TIAM1: variants seen among roughly 807,000 people sequenced by gnomAD.
The protein encoded by TIAM1 is TIAM Rac1 associated GEF 1.
In TIAM1, 65 loss-of-function variants were observed where a neutral mutation model predicts 163.5. The observed-to-expected ratio is 0.40, with a 90% CI of 0.33 to 0.49. The LOEUF is 0.49. Ranked by LOEUF, TIAM1 falls within the 20% of genes least tolerant of loss-of-function variation. The pLI is 0.77. For missense variants in TIAM1, 1,789 were observed against 2,044.7 expected (o/e 0.87, Z 2.41); for synonymous variants, 833 against 810.1 (o/e 1.03, Z -0.48).
chr21:31,458,158 G>A (rs113475429), intron 2 of TIAM1, among the ~76,000 whole-genome samples: 29 of 152,280 alleles, frequency 1.9e-4, no homozygotes, highest in African/African-American at 6.7e-4. Flanking sequence ...GGGGGCTCAC[G>A]CCTGTAATCC....
chr21:31,423,750 G>T (rs938989725), intron 2 of TIAM1, among the ~76,000 whole-genome samples: 3 of 134,986 alleles, frequency 2.2e-5, no homozygotes, highest in Non-Finnish European at 4.6e-5. Flanking sequence ...ATTATGCTAC[G>T]TGAAAGAAGC....
intron 26 of TIAM1, 29 bp downstream of exon 26, chr21:31,127,036 C>G (rs779475970): frequency 4.4e-6 from 7 of 1,608,976 alleles, no homozygotes; most frequent in Middle Eastern, 1.6e-4. Flanking sequence ...AATGTCAACA[C>G]GGCCTCGACT....
intron 2 of TIAM1, among the ~76,000 whole-genome samples, chr21:31,455,738 C>T (rs532320866): frequency 1.3e-5 from 2 of 152,166 alleles, no homozygotes; most frequent in Non-Finnish European, 2.9e-5. Flanking sequence ...AAATGCAGAA[C>T]CAGATTCTAA....
chr21:31,298,874 T>G (rs2074397209), intron 2 of TIAM1, among the ~76,000 whole-genome samples: 1 of 151,572 alleles, frequency 6.6e-6, no homozygotes, highest in South Asian at 2.1e-4. Flanking sequence ...ATGGTATATA[T>G]CCTCCCCACC....
intron 1 of TIAM1, among the ~76,000 whole-genome samples, chr21:31,493,606 A>C (rs1382035204): frequency 6.6e-6 from 1 of 152,254 alleles, no homozygotes; most frequent in Non-Finnish European, 1.5e-5. Flanking sequence ...GGTTTAGAAG[A>C]AAAGCAGATG....
intron 16 of TIAM1, among the ~76,000 whole-genome samples, chr21:31,161,435 T>C (rs776347226): frequency 2.6e-5 from 4 of 152,172 alleles, no homozygotes; most frequent in Non-Finnish European, 5.9e-5. Context: ...AGACTGTCCC[T>C]GCAGTGTGAC....
chr21:31,248,483 T>A (rs1361037004), intron 5 of TIAM1, among the ~76,000 whole-genome samples: 2 of 152,222 alleles, frequency 1.3e-5, no homozygotes, highest in Non-Finnish European at 2.9e-5. Context: ...TTTACCTTCA[T>A]CTTCCCTGGA....
chr21:31,309,145 C>T (rs1329340161), intron 2 of TIAM1, among the ~76,000 whole-genome samples: 2 of 152,114 alleles, frequency 1.3e-5, no homozygotes, highest in Non-Finnish European at 2.9e-5. Flanking sequence ...CGACTAGTAA[C>T]AGATGAAAGG....
At chr21:31,211,115 T>C (rs2086869573) in intron 10 of TIAM1, among the ~76,000 whole-genome samples, 1 of 152,160 alleles carries the variant, frequency 6.6e-6, no homozygotes, top group African/African-American at 2.4e-5. Context: ...TGGCACAATG[T>C]AGCAAAAACA....
chr21:31,472,884 T>C (rs773364849), intron 1 of TIAM1, among the ~76,000 whole-genome samples: 1 of 152,202 alleles, frequency 6.6e-6, no homozygotes, highest in Non-Finnish European at 1.5e-5. Flanking sequence ...CATCAGAAAT[T>C]GTCCTCTGCA....
chr21:31,209,721 G>A (rs149384135), intron 11 of TIAM1, among the ~76,000 whole-genome samples: 36 of 152,310 alleles, frequency 2.4e-4, no homozygotes, highest in Non-Finnish European at 3.7e-4. Context: ...GTGAATAAGA[G>A]TGGCCTTAAT....
At chr21:31,218,395 C>T (rs2087337487) in intron 8 of TIAM1, among the ~76,000 whole-genome samples, 1 of 152,066 alleles carries the variant, frequency 6.6e-6, no homozygotes, top group Non-Finnish European at 1.5e-5. Context: ...TGGTGAAACC[C>T]TGTCTTAACT....
intron 2 of TIAM1, among the ~76,000 whole-genome samples, chr21:31,369,985 G>T (rs1390648179): frequency 1.3e-5 from 2 of 152,014 alleles, no homozygotes; most frequent in African/African-American, 4.8e-5. Context: ...GGAAATAATT[G>T]GTGTCCTTAT....
Position 31,213,415 on chromosome 21 carries a change from T to C in TIAM1, c.2200A>G (p.Ile734Val), listed in dbSNP as rs1367782745. The C allele has an allele frequency of 6.2e-7, 1 of 1,610,674 alleles. No homozygotes were observed. The highest frequency in any genetic ancestry group is 1.1e-5 in the South Asian group (1 of 90,112). ...KKSLEGIFDD[I>V]VPDGKREKEV... ...ATTTTTACCTTGCCATCTGGAACAA[T>C]GTCATCAAATATTCCCTCTAAAGAT... is the stretch of plus-strand genomic sequence containing the variant. The change falls in exon 10 of 28, where the codon ATT becomes GTT. Residue 734 changes from isoleucine (I) to valine (V), a missense_variant. Transcript: ENST00000541036.
At chr21:31,473,246 G>A (rs767446152) in intron 1 of TIAM1, among the ~76,000 whole-genome samples, 14 of 151,936 alleles carry the variant, frequency 9.2e-5, no homozygotes, top group Non-Finnish European at 1.8e-4. Context: ...TGGCTAACAC[G>A]GTGAAACCCC....
chr21:31,338,123 C>T (rs926255916), intron 2 of TIAM1, among the ~76,000 whole-genome samples: 59 of 152,332 alleles, frequency 3.9e-4, no homozygotes, highest in African/African-American at 1.3e-3. Context: ...CTCCAAGCCA[C>T]TGTGTACATG....
chr21:31,277,627 A>G (rs752247611), intron 2 of TIAM1, among the ~76,000 whole-genome samples: 22 of 152,230 alleles, frequency 1.4e-4, no homozygotes, highest in Non-Finnish European at 2.9e-4. Flanking sequence ...CCTGGGAGGC[A>G]TGAATAATCC....
At chr21:31,501,337 G>T (rs1041329691) in intron 1 of TIAM1, among the ~76,000 whole-genome samples, 1 of 152,086 alleles carries the variant, frequency 6.6e-6, no homozygotes, top group Admixed American at 6.6e-5. Flanking sequence ...TTTTAAAAAC[G>T]GAATGGGCTC....
chr21:31,468,702 G>A (rs557217033), intron 1 of TIAM1, among the ~76,000 whole-genome samples: 1 of 152,040 alleles, frequency 6.6e-6, no homozygotes, highest in South Asian at 2.1e-4. Flanking sequence ...CGTGAACCCG[G>A]GAGGCGGAAC....
Sources: allele counts gnomAD v4.1 joint callset (sites outside exome capture counted in the v4.1 genomes callset), GRCh38; gene constraint gnomAD v4.1.1; transcripts MANE v1.5; gene names NCBI Gene and HGNC (gene_info 2026-07-23, HGNC 2026-07-21).